Variants in KCNIP1 observed in about 807,000 individuals in gnomAD.
The protein encoded by KCNIP1 is potassium voltage-gated channel interacting protein 1.
Under a neutral mutation model 33.0 loss-of-function variants are expected in KCNIP1, and 18 were observed. The observed-to-expected ratio is 0.55, with a 90% CI of 0.38 to 0.81. The LOEUF is 0.81. Among genes scored for constraint, KCNIP1 ranks in the 30% least tolerant of loss-of-function variants. The pLI is 0.00. For missense variants in KCNIP1, 238 were observed against 271.6 expected (o/e 0.88, Z 0.87); for synonymous variants, 93 against 98.3 (o/e 0.95, Z 0.32).
intron 1 of KCNIP1, among the ~76,000 whole-genome samples, chr5:170,477,113 C>T (rs941248261): frequency 4.6e-5 from 7 of 152,088 alleles, no homozygotes; most frequent in Non-Finnish European, 7.4e-5. Context: ...GAACCTAAGA[C>T]TGCTCAAAAA....
rs549494849 is a variant in KCNIP1 at position 170,361,586 on chromosome 5, G to T, written c.88+7622G>T. 2.0e-5 allele frequency among the ~76,000 whole-genome samples: 3 copies of T among 152,246 alleles called. No individual in the cohort carries two copies. The East Asian group carries it at 5.8e-4, about 29-fold the overall frequency. Reference sequence around the variant, plus strand: ...GCTTGCTGTCTTAGGCCATCAGGCTGCTTATCAACCTGATGGCCTAAGCTA... The same window carrying T: ...GCTTGCTGTCTTAGGCCATCAGGCTTCTTATCAACCTGATGGCCTAAGCTA... On this transcript the variant is annotated intron_variant, in intron 1 of 7. Transcript: ENST00000377360.
chr5:170,513,050 G>A (rs1346489013), intron 1 of KCNIP1, among the ~76,000 whole-genome samples: 1 of 148,648 alleles, frequency 6.7e-6, no homozygotes, highest in Non-Finnish European at 1.5e-5. Flanking sequence ...ACTCCATCTT[G>A]GAAAAAAAAA....
At chr5:170,698,103 G>A (rs1762960935) in intron 1 of KCNIP1, among the ~76,000 whole-genome samples, 1 of 152,120 alleles carries the variant, frequency 6.6e-6, no homozygotes, top group South Asian at 2.1e-4. Context: ...AGAGCTGTGG[G>A]AATGCCCTCT....
At chr5:170,431,727 G>A (rs1466295001) in intron 1 of KCNIP1, among the ~76,000 whole-genome samples, 1 of 152,236 alleles carries the variant, frequency 6.6e-6, no homozygotes, top group East Asian at 1.9e-4. Context: ...CACGGGCTGA[G>A]CTCCCCAGAC....
chr5:170,681,415 C>T (rs1441334666), intron 1 of KCNIP1: 2 of 329,480 alleles, frequency 6.1e-6, no homozygotes, highest in Admixed American at 4.9e-5. Context: ...AAGTTAGGGT[C>T]TCCTGCTCCG....
intron 1 of KCNIP1, among the ~76,000 whole-genome samples, chr5:170,663,758 GT>G (rs779673396): frequency 9.2e-5 from 14 of 151,802 alleles, no homozygotes; most frequent in Non-Finnish European, 1.9e-4. Context: ...CCCTCTGAGA[GT>G]CTGCACCGAA....
chr5:170,357,921 A>G (rs921922947), intron 1 of KCNIP1, among the ~76,000 whole-genome samples: 1 of 152,134 alleles, frequency 6.6e-6, no homozygotes, highest in Non-Finnish European at 1.5e-5. Flanking sequence ...CCTTATTAGG[A>G]GTTAAAAGCC....
intron 1 of KCNIP1, among the ~76,000 whole-genome samples, chr5:170,583,161 C>T (rs1757861784): frequency 1.3e-5 from 2 of 152,172 alleles, no homozygotes; most frequent in Non-Finnish European, 2.9e-5. Flanking sequence ...CTGTACTGTG[C>T]TAAGTGCAGA....
intron 1 of KCNIP1, among the ~76,000 whole-genome samples, chr5:170,696,736 C>T (rs1188125146): frequency 1.3e-5 from 2 of 152,112 alleles, no homozygotes; most frequent in African/African-American, 2.4e-5. Context: ...GTTGGGGGAA[C>T]AGCAAGTATT....
At chr5:170,627,112 C>T (rs77068849) in intron 1 of KCNIP1, among the ~76,000 whole-genome samples, 6 of 152,298 alleles carry the variant, frequency 3.9e-5, no homozygotes, top group Admixed American at 1.3e-4. Context: ...CCCTCCCCCA[C>T]GTTTTTTCTC....
At chr5:170,676,310 C>T (rs555367138) in intron 1 of KCNIP1, among the ~76,000 whole-genome samples, 12 of 152,288 alleles carry the variant, frequency 7.9e-5, no homozygotes, top group Admixed American at 3.3e-4. Flanking sequence ...CAAACCCATC[C>T]TGTGCCCACA....
chr5:170,369,594 AT>A (rs1323294172), intron 1 of KCNIP1, among the ~76,000 whole-genome samples: 1 of 152,252 alleles, frequency 6.6e-6, no homozygotes, highest in African/African-American at 2.4e-5. Flanking sequence ...GGAAGAAGCC[AT>A]TAAATGCACT....
At chr5:170,710,298 G>T (rs189900633) in intron 1 of KCNIP1, among the ~76,000 whole-genome samples, 379 of 152,174 alleles carry the variant, frequency 2.5e-3, no homozygotes, top group African/African-American at 8.7e-3. Context: ...TGTTAATTTG[G>T]ATAACATATT....
chr5:170,469,258 G>C (rs1756672878), intron 1 of KCNIP1, among the ~76,000 whole-genome samples: 1 of 152,006 alleles, frequency 6.6e-6, no homozygotes, highest in Non-Finnish European at 1.5e-5. Context: ...AGCTGAGCAT[G>C]GTGGTGTACA....
chr5:170,700,137 C>A (rs549484671), intron 1 of KCNIP1, among the ~76,000 whole-genome samples: 1 of 152,162 alleles, frequency 6.6e-6, no homozygotes, highest in South Asian at 2.1e-4. Context: ...GCAGGCTTAT[C>A]TTGTTCTCCT....
intron 1 of KCNIP1, among the ~76,000 whole-genome samples, chr5:170,429,542 G>A (rs1163524059): frequency 6.6e-6 from 1 of 152,066 alleles, no homozygotes; most frequent in Non-Finnish European, 1.5e-5. Context: ...GTGAAGTCAG[G>A]GCTTTTAGGG....
intron 1 of KCNIP1, among the ~76,000 whole-genome samples, chr5:170,617,353 G>A (rs1327905115): frequency 1.3e-5 from 2 of 152,036 alleles, no homozygotes; most frequent in African/African-American, 4.8e-5. Context: ...GAGCCGGCAG[G>A]TTAAGATGGG....
chr5:170,384,750 G>A (rs1172043071), intron 1 of KCNIP1, among the ~76,000 whole-genome samples: 2 of 152,216 alleles, frequency 1.3e-5, no homozygotes, highest in South Asian at 2.1e-4. Context: ...TCAAGTGGTT[G>A]ATATGTCATG....
At chr5:170,512,778 G>A (rs1754984438) in intron 1 of KCNIP1, among the ~76,000 whole-genome samples, 1 of 152,144 alleles carries the variant, frequency 6.6e-6, no homozygotes. Flanking sequence ...GGCCAGGCGC[G>A]GTGGCTCACG....
Sources: allele counts gnomAD v4.1 joint callset (sites outside exome capture counted in the v4.1 genomes callset), GRCh38; gene constraint gnomAD v4.1.1; transcripts MANE v1.5; gene names NCBI Gene and HGNC (gene_info 2026-07-23, HGNC 2026-07-21).